Variants in SLC35E1 observed in about 807,000 individuals in gnomAD.
The protein encoded by SLC35E1 is solute carrier family 35, member E1.
In SLC35E1, 12 loss-of-function variants were observed where a neutral mutation model predicts 31.0. The observed-to-expected ratio is 0.39, with a 90% CI of 0.25 to 0.63. The LOEUF (loss-of-function observed/expected upper bound fraction) is 0.63, where lower values mean the gene tolerates loss of function less well. Among genes scored for constraint, SLC35E1 ranks in the 20% least tolerant of loss-of-function variants. The pLI, the probability that SLC35E1 is intolerant of heterozygous loss-of-function variation, is 0.52. For missense variants in SLC35E1, 429 were observed against 572.2 expected (o/e 0.75, Z 2.55); for synonymous variants, 257 against 264.1 (o/e 0.97, Z 0.26).
Position 16,566,597 on chromosome 19 carries a change from C to A in SLC35E1, c.691G>T (p.Val231Phe), listed in dbSNP as rs201250256. 2.2e-5 allele frequency: 35 copies of A among 1,612,538 alleles called. No homozygotes were observed. Among genetic ancestry groups the A allele is most frequent in the African/African-American group, 2.7e-5 (2 of 74,870 alleles). The change falls in exon 4 of 6, where the codon GTC becomes TTC. Residue 231 changes from valine to phenylalanine, a missense_variant. Physicochemically the swap from Val to Phe is conservative, Grantham distance 50 (BLOSUM62 -1). Coordinates refer to ENST00000595753, the MANE Select transcript of SLC35E1 (RefSeq NM_024881.5). Reference protein sequence around the residue: ...RLLNILGCHAVFFMIPTWVLV... With the variant: ...RLLNILGCHAFFFMIPTWVLV... ...ACCCAGGTGGGGATCATAAAGAAGA[C>A]GGCGTGGCAGCCCAGGATGTTGAGC...
Position 16,551,540 on chromosome 19 carries a change from T to C in SLC35E1, c.*2139A>G, listed in dbSNP as rs942667435. On this transcript the variant is annotated 3_prime_UTR_variant, in exon 6 of 6. Transcript: ENST00000595753. ...TCTCTCATTTGCTGCTCTCTTCCCC[T>C]AAGTGCCAGCAAGAAGCTGGGTGTG... The C allele has an allele frequency of 5.3e-5, 8 of 152,072 alleles. No individual in the cohort carries two copies. Among genetic ancestry groups the C allele is most frequent in the Non-Finnish European group, 1.0e-4 (7 of 68,018 alleles). 9.4% of individuals were successfully genotyped at this position (152,072 alleles called of 1,614,324 possible).
intron 4 of SLC35E1, 37 bp downstream of exon 4, chr19:16,566,495 C>A (rs2122345261): frequency 6.2e-7 from 1 of 1,610,826 alleles, no homozygotes; most frequent in Non-Finnish European, 8.5e-7. Context: ...TGGAACTAGC[C>A]AAGAAAATGG....
chr19:16,572,231 T>C lies in SLC35E1; in HGVS notation c.134A>G (p.Asn45Ser). 2 of 1,524,902 alleles carry C rather than the reference T, an allele frequency of 1.3e-6. No homozygotes were observed. The highest frequency in any genetic ancestry group is 1.8e-6 in the Non-Finnish European group (2 of 1,135,330). 94.5% of individuals were successfully genotyped at this position (1,524,902 alleles called of 1,614,324 possible). A position where few individuals can be genotyped will look rare whatever the true frequency, so the allele number is the denominator to read the frequency against. ...LLWYALSAGG[N>S]VVNKVILSAF... ...GCTCAGGATCACCTTGTTGACCACG[T>C]TGCCGCCCGCGCTCAGCGCGTACCA... The change falls in exon 1 of 6, where the codon AAC becomes AGC. Residue 45 changes from asparagine to serine, a missense_variant. Physicochemically the swap from Asn to Ser is conservative, Grantham distance 46 (BLOSUM62 1). Transcript: ENST00000595753. The surrounding 1 kb of genome is among the most constrained non-coding windows in gnomAD (Gnocchi z 4.1).
In SLC35E1 at chr19:16,566,683, G is replaced by A. The variant is rs750546230; in HGVS notation, c.631-26C>T. On this transcript the variant is annotated intron_variant, in intron 3 of 5. Transcript: ENST00000595753. ...CTGGAAAGGGAAAGCCTCTTTAGAG[G>A]GTGATTAAAACTATATGTGGCAAAA... 1.4e-5 allele frequency: 22 copies of A among 1,605,678 alleles called. No individual in the cohort carries two copies. The Middle Eastern group carries it at 1.8e-3, about 132-fold the overall frequency.
chr19:16,569,718 C>T (rs1336688773), intron 2 of SLC35E1, among the ~76,000 whole-genome samples: 2 of 152,192 alleles, frequency 1.3e-5, no homozygotes, highest in African/African-American at 4.8e-5. Context: ...TGATGGAACG[C>T]GCCTGCAATC....
intron 3 of SLC35E1, among the ~76,000 whole-genome samples, chr19:16,567,658 T>C (rs1474254125): frequency 6.6e-6 from 1 of 152,096 alleles, no homozygotes; most frequent in African/African-American, 2.4e-5. Flanking sequence ...GCTTCCTGGG[T>C]TCAAGCAATT....
At position 16,566,634 on chromosome 19, in the gene SLC35E1, G is replaced by A; in HGVS notation, c.654C>T (p.His218=). Reference sequence around the variant, plus strand: ...CCAGGATGTTGAGCAGCCGGAGATGGTGGATCCGTGAATCTCGCAAGACCT... The same window carrying A: ...CCAGGATGTTGAGCAGCCGGAGATGATGGATCCGTGAATCTCGCAAGACCT... ...SKKVLRDSRI[H]HLRLLNILGC... The change falls in exon 4 of 6, where the codon CAC becomes CAT. Residue 218 remains histidine, a synonymous_variant. Transcript: ENST00000595753. 6.2e-7 allele frequency: 1 copy of A among 1,612,368 alleles called. No homozygotes were observed. The highest frequency in any genetic ancestry group is 1.3e-5 in the African/African-American group (1 of 74,976).
intron 5 of SLC35E1, 134 bp from the exon 6 acceptor site, chr19:16,554,043 T>C (rs2085860487): frequency 1.4e-5 from 9 of 661,006 alleles, no homozygotes; most frequent in Non-Finnish European, 1.9e-5. Context: ...GGCGGGAGGA[T>C]CACCTGAGCT....
intron 3 of SLC35E1, 138 bp downstream of exon 3, chr19:16,567,894 A>C: frequency 7.9e-7 from 1 of 1,267,486 alleles, no homozygotes; most frequent in Non-Finnish European, 1.1e-6. Flanking sequence ...ACAAACAGAA[A>C]ATCAGCAGAA....
intron 2 of SLC35E1, among the ~76,000 whole-genome samples, chr19:16,569,215 G>T (rs2085946078): frequency 6.6e-6 from 1 of 151,982 alleles, no homozygotes; most frequent in Non-Finnish European, 1.5e-5. Flanking sequence ...AGTAAAGATG[G>T]GGTTTTGCCA....
chr19:16,555,584 C>G lies in SLC35E1; in HGVS notation c.757-187G>C, dbSNP rs1199482523. 1 of 680,006 alleles carries G rather than the reference C, an allele frequency of 1.5e-6. No individual in the cohort carries two copies. Among genetic ancestry groups the G allele is most frequent in the African/African-American group, 1.8e-5 (1 of 55,318 alleles). 42.1% of individuals were successfully genotyped at this position (680,006 alleles called of 1,614,324 possible). On this transcript the variant is annotated intron_variant, in intron 4 of 5. Transcript: ENST00000595753. The surrounding 1 kb of genome is among the most constrained non-coding windows in gnomAD (Gnocchi z 4.1). ...TGCTTTAGGTCCATGACCTCAGAACCTCATGACACCACACAGCATGGGAAT... is the reference window on the plus strand; with the variant it reads ...TGCTTTAGGTCCATGACCTCAGAACGTCATGACACCACACAGCATGGGAAT...
intron 4 of SLC35E1, chr19:16,557,024 G>T: frequency 2.1e-6 from 1 of 470,540 alleles, no homozygotes. Context: ...GGGCCAGCCT[G>T]TTCTCCCAGG....
chr19:16,560,983 C>T (rs372915395), intron 4 of SLC35E1, among the ~76,000 whole-genome samples: 77 of 146,402 alleles, frequency 5.3e-4, no homozygotes, highest in African/African-American at 1.7e-3. Flanking sequence ...AGGCAGATCA[C>T]CTGAGGTCGG....
At chr19:16,571,254 T>C (rs1367246725) in intron 2 of SLC35E1, among the ~76,000 whole-genome samples, 1 of 151,578 alleles carries the variant, frequency 6.6e-6, no homozygotes, top group East Asian at 1.9e-4. Context: ...GGGAGGAAAA[T>C]TGGATCTGAA....
chr19:16,553,517 C>T lies in SLC35E1; in HGVS notation c.*162G>A, dbSNP rs371457762. 1.2e-5 allele frequency: 7 copies of T among 564,144 alleles called. No individual in the cohort carries two copies. Among genetic ancestry groups the T allele is most frequent in the African/African-American group, 1.1e-4 (6 of 52,274 alleles). The allele number at this position is 564,144 out of a possible 1,614,324, so 34.9% of individuals were successfully genotyped here. A position where few individuals can be genotyped will look rare whatever the true frequency, so the allele number is the denominator to read the frequency against. ...CCGTCTGCACTGCAGGCAACGCATC[C>T]TCCTGCGGCTCACGGGGGGCCAGGA... On this transcript the variant is annotated 3_prime_UTR_variant, in exon 6 of 6. Coordinates refer to ENST00000595753, the MANE Select transcript of SLC35E1 (RefSeq NM_024881.5).
At chr19:16,554,352 T>C (rs1359080489) in intron 5 of SLC35E1, among the ~76,000 whole-genome samples, 1 of 150,562 alleles carries the variant, frequency 6.6e-6, no homozygotes, top group Non-Finnish European at 1.5e-5. Context: ...CAGACTTGAA[T>C]GGACCAGACC....
At chr19:16,554,304 C>T (rs544394693) in intron 5 of SLC35E1, among the ~76,000 whole-genome samples, 10 of 151,396 alleles carry the variant, frequency 6.6e-5, no homozygotes, top group African/African-American at 2.2e-4. Flanking sequence ...AGTTAACCTC[C>T]GGGGCCGGCA....
At position 16,551,805 on chromosome 19, in the gene SLC35E1, A is replaced by T. The variant is rs2085847097; in HGVS notation, c.*1874T>A. 1 of 135,338 alleles carries T rather than the reference A, an allele frequency of 7.4e-6. No individual in the cohort carries two copies. The highest frequency in any genetic ancestry group is 8.3e-5 in the Admixed American group (1 of 12,088). 8.4% of individuals were successfully genotyped at this position (135,338 alleles called of 1,614,324 possible). On this transcript the variant is annotated 3_prime_UTR_variant, in exon 6 of 6. Transcript: ENST00000595753. ...AGTCTCACTCTGTCACCAAGGCTGG[A>T]GTGCAGTGGTGTGATCTCAGCTCGC...
chr19:16,571,625 C>G (rs2085958960), intron 1 of SLC35E1, 43 bp from the exon 2 acceptor site: 3 of 1,604,358 alleles, frequency 1.9e-6, no homozygotes, highest in Non-Finnish European at 2.6e-6. Flanking sequence ...GCCTGAATTT[C>G]AGGGCCCAAC....
Sources: gnomAD v4.1 joint callset for allele counts (sites outside exome capture counted in the v4.1 genomes callset) on GRCh38, gnomAD v4.1.1 for gene constraint, Gnocchi (gnomAD v3.1) non-coding constraint, MANE v1.5 for transcripts, NCBI Gene and HGNC (gene_info 2026-07-23, HGNC 2026-07-21) for gene names.